PLEKHH1: variants seen among roughly 807,000 people sequenced by gnomAD.
PLEKHH1 encodes the protein pleckstrin homology domain-containing family H member 1.
PLEKHH1 carries 104 observed loss-of-function variants against 160.0 expected under a neutral mutation model. That is an observed-to-expected ratio of 0.65 (90% CI 0.55 to 0.76). PLEKHH1 has a LOEUF of 0.76. PLEKHH1 is among the 30% of genes least tolerant of loss of function. The pLI, the probability that PLEKHH1 is intolerant of heterozygous loss-of-function variation, is 0.00. For missense variants in PLEKHH1, 1,427 were observed against 1,724.1 expected (o/e 0.83, Z 3.05); for synonymous variants, 619 against 678.4 (o/e 0.91, Z 1.36).
At chr14:67,571,260 G>A (rs1267906071) in intron 9 of PLEKHH1, 1 of 159,970 alleles carries the variant, frequency 6.3e-6, no homozygotes, top group East Asian at 1.7e-4. Context: ...TTTAATTTTT[G>A]ACAGGTACTG....
At chr14:67,552,515 T>A (rs2034432256) in intron 2 of PLEKHH1, among the ~76,000 whole-genome samples, 1 of 152,072 alleles carries the variant, frequency 6.6e-6, no homozygotes, top group South Asian at 2.1e-4. Flanking sequence ...CGCCTGTAAT[T>A]CCAGCCCTTT....
chr14:67,561,814 G>C, intron 5 of PLEKHH1, 140 bp from the exon 6 acceptor site: 1 of 666,908 alleles, frequency 1.5e-6, no homozygotes, highest in South Asian at 1.9e-5. Context: ...AGGCTGCAGT[G>C]AGCCAAAATT....
At chr14:67,561,570 GA>G (rs1178601714) in intron 5 of PLEKHH1, among the ~76,000 whole-genome samples, 1 of 151,652 alleles carries the variant, frequency 6.6e-6, no homozygotes, top group East Asian at 1.9e-4. Context: ...TCTCAGAAAA[GA>G]AAAGAATATG....
Position 67,587,616 on chromosome 14 carries a change from G to A in PLEKHH1, c.*381G>A, listed in dbSNP as rs2036231280. 3.5e-6 allele frequency: 1 copy of A among 285,772 alleles called. No individual in the cohort carries two copies. The highest frequency in any genetic ancestry group is 3.3e-5 in the South Asian group (1 of 30,254). The allele number at this position is 285,772 out of a possible 1,614,324, so 17.7% of individuals were successfully genotyped here. On this transcript the variant is annotated 3_prime_UTR_variant, in exon 29 of 29. Transcript: ENST00000329153. ...CTTTCTGGGGGGGGCGGGGGACACA[G>A]TGTCACTATGTCACCCAGTCCACAG...
At chr14:67,560,021 TTTTA>T (rs377101981) in intron 5 of PLEKHH1, among the ~76,000 whole-genome samples, 2 of 152,030 alleles carry the variant, frequency 1.3e-5, no homozygotes, top group Admixed American at 6.6e-5. Context: ...TCTCTTTTAT[TTTTA>T]TTTATTTATT....
chr14:67,558,854 G>C (rs2034703482), intron 4 of PLEKHH1, among the ~76,000 whole-genome samples: 1 of 152,222 alleles, frequency 6.6e-6, no homozygotes, highest in South Asian at 2.1e-4. Flanking sequence ...ACTGGTCAAA[G>C]CTGCTGTTGT....
At chr14:67,538,297 T>G (rs2140314551) in intron 1 of PLEKHH1, among the ~76,000 whole-genome samples, 1 of 152,338 alleles carries the variant, frequency 6.6e-6, no homozygotes, top group East Asian at 1.9e-4. Flanking sequence ...TCAGGATTCT[T>G]GGCCCAGTTC....
Position 67,575,455 on chromosome 14 carries a change from C to A in PLEKHH1, c.2152C>A (p.Arg718=), listed in dbSNP as rs769390988. 1.9e-6 allele frequency: 3 copies of A among 1,604,698 alleles called. No homozygotes were observed. Among genetic ancestry groups the A allele is most frequent in the Admixed American group, 1.7e-5 (1 of 59,180 alleles). Residue 718 remains arginine (R), a synonymous_variant, in exon 15 of 29, where the codon CGG becomes AGG. Coordinates refer to ENST00000329153, the MANE Select transcript of PLEKHH1 (RefSeq NM_020715.3). ...ALVGKIFYYY[R]SHEDKRPLGC... is the part of the protein sequence containing the mutation. ...TGTTGGGAAAATCTTCTACTACTAT[C>A]GGAGCCATGAGGACAAGGTACTTCT...
At chr14:67,560,728 T>C (rs866848217) in intron 5 of PLEKHH1, among the ~76,000 whole-genome samples, 1,894 of 31,400 alleles carry the variant, frequency 0.06, 44 homozygotes, top group African/African-American at 0.19. Context: ...AACATATATC[T>C]TTTTTTTTTT....
chr14:67,543,846 A>AT (rs1397727067), intron 2 of PLEKHH1, among the ~76,000 whole-genome samples: 1 of 152,198 alleles, frequency 6.6e-6, no homozygotes, highest in African/African-American at 2.4e-5. Context: ...ATTCATGTAA[A>AT]TGCAGAGCTG....
rs2035488973 is a variant in PLEKHH1 at position 67,573,655 on chromosome 14, GAAT to G, written c.1840-143_1840-141del. Reference sequence around the variant, plus strand: ...TCCATTTAGCTATAACCAGAATCTAGAATAAGTCACCCATCATAACACAGCCAG... The same window carrying G: ...TCCATTTAGCTATAACCAGAATCTAGAAGTCACCCATCATAACACAGCCAG... On this transcript the variant is annotated intron_variant, in intron 12 of 28. Transcript: ENST00000329153. This position sits in a 1 kb window ranked among gnomAD's most constrained non-coding sequence, Gnocchi z 4.8. The G allele has an allele frequency of 1.5e-6, 1 of 674,932 alleles. No homozygotes were observed. 41.8% of individuals were successfully genotyped at this position (674,932 alleles called of 1,614,324 possible).
intron 7 of PLEKHH1, among the ~76,000 whole-genome samples, chr14:67,566,764 A>G (rs74967835): frequency 1.4e-5 from 2 of 147,334 alleles, no homozygotes; most frequent in Non-Finnish European, 3.0e-5. Context: ...AAAAAAAAAA[A>G]AGAGTGGGTC....
Position 67,574,323 on chromosome 14 carries a change from CTGCTGAAGG to C in PLEKHH1, c.2012_2020del (p.Leu671_Val673del), listed in dbSNP as rs764346741. On this transcript the variant is annotated inframe_deletion, in exon 14 of 29. Transcript: ENST00000329153. This position sits in a 1 kb window ranked among gnomAD's most constrained non-coding sequence, Gnocchi z 4.2. ...GGAGTGGATCCGAGTACTCCAGAGC[CTGCTGAAGG>C]TGCAGGCCACCGGGCCTCCAGCTCT... is the stretch of plus-strand genomic sequence containing the variant. 20 of 1,604,708 alleles carry C rather than the reference CTGCTGAAGG, an allele frequency of 1.2e-5. No individual in the cohort carries two copies. Among genetic ancestry groups the C allele is most frequent in the African/African-American group, 2.7e-5 (2 of 74,692 alleles).
intron 26 of PLEKHH1, 38 bp downstream of exon 26, chr14:67,584,162 T>C: frequency 6.2e-7 from 1 of 1,602,604 alleles, no homozygotes; most frequent in Non-Finnish European, 8.5e-7. Flanking sequence ...CACCCTTAGG[T>C]GTGTCCCCAA....
At chr14:67,548,738 C>A (rs2034277510) in intron 2 of PLEKHH1, among the ~76,000 whole-genome samples, 1 of 152,168 alleles carries the variant, frequency 6.6e-6, no homozygotes, top group African/African-American at 2.4e-5. Context: ...AAACATTATT[C>A]TTTTTGTAGC....
chr14:67,580,975 A>G lies in PLEKHH1; in HGVS notation c.3221A>G (p.Lys1074Arg). The change falls in exon 23 of 29, where the codon AAG (lysine) becomes AGG (arginine). Residue 1074 changes from lysine (K) to arginine (R), a missense_variant. Around this residue, in one of 6 missense-constraint regions of PLEKHH1, gnomAD observed 436 missense variants for 607.5 expected, o/e 0.72. Coordinates refer to ENST00000329153, the MANE Select transcript of PLEKHH1 (RefSeq NM_020715.3). ...ATCTCCAAGTGGGAACAAGCCATGA[A>G]GGAGCTGCACCCCGGAAAGTCTGAG... ...DAISKWEQAM[K>R]ELHPGKSEGG... The G allele has an allele frequency of 6.2e-7, 1 of 1,613,644 alleles. No homozygotes were observed. The highest frequency in any genetic ancestry group is 2.2e-5 in the East Asian group (1 of 44,876).
rs1158381792 is a variant in PLEKHH1, at chr14:67,586,190, A to G, written c.3933+93A>G. The G allele has an allele frequency of 2.9e-6, 4 of 1,401,968 alleles. No individual in the cohort carries two copies. The Admixed American group carries it at 6.7e-5, about 24-fold the overall frequency. The allele number at this position is 1,401,968 out of a possible 1,614,324, so 86.8% of individuals were successfully genotyped here. A position where few individuals can be genotyped will look rare whatever the true frequency, so the allele number is the denominator to read the frequency against. On this transcript the variant is annotated intron_variant, in intron 28 of 28. Coordinates refer to ENST00000329153, the MANE Select transcript of PLEKHH1 (RefSeq NM_020715.3). ...AACTGGGGTTATGCTAGTGCTCTGC[A>G]AGGGCCCTGCCCAGATAAAATTGTT... is the stretch of plus-strand genomic sequence containing the variant.
chr14:67,573,758 G>T lies in PLEKHH1; in HGVS notation c.1840-43G>T. 1 of 1,284,034 alleles carries T rather than the reference G, an allele frequency of 7.8e-7. No homozygotes were observed. Among genetic ancestry groups the T allele is most frequent in the Non-Finnish European group, 1.1e-6 (1 of 877,954 alleles). 79.5% of individuals were successfully genotyped at this position (1,284,034 alleles called of 1,614,324 possible). On this transcript the variant is annotated intron_variant, in intron 12 of 28. Coordinates refer to ENST00000329153, the MANE Select transcript of PLEKHH1 (RefSeq NM_020715.3). The surrounding 1 kb of genome is among the most constrained non-coding windows in gnomAD (Gnocchi z 4.8). ...AGGGTAAATGAGGTGCTCCGGAAAG[G>T]CTCCACATTCAGTGGCTCTCCTCTC...
intron 1 of PLEKHH1, among the ~76,000 whole-genome samples, chr14:67,534,720 T>C (rs916481451): frequency 6.6e-6 from 1 of 151,980 alleles, no homozygotes; most frequent in Non-Finnish European, 1.5e-5. Flanking sequence ...TGAAAAAATG[T>C]GGAGCCTCTT....
Sources: gnomAD v4.1 joint callset for allele counts (sites outside exome capture counted in the v4.1 genomes callset) on GRCh38, gnomAD v4.1.1 for gene constraint, gnomAD v4.1.1 regional missense constraint, Gnocchi (gnomAD v3.1) non-coding constraint, MANE v1.5 for transcripts, NCBI Gene and HGNC (gene_info 2026-07-23, HGNC 2026-07-21) for gene names.